Variants in DGKB observed in about 807,000 individuals in gnomAD.
DGKB encodes diacylglycerol kinase beta, also known as 90 kDa diacylglycerol kinase.
A neutral mutation model predicts 114.3 loss-of-function variants in DGKB; 67 were observed. The observed-to-expected ratio is 0.59, with a 90% CI of 0.48 to 0.72. The LOEUF (loss-of-function observed/expected upper bound fraction) is 0.72, where lower values mean the gene tolerates loss of function less well. Among genes scored for constraint, DGKB ranks in the 30% least tolerant of loss-of-function variants. The pLI, the probability that DGKB is intolerant of heterozygous loss-of-function variation, is 0.00. For missense variants in DGKB, 907 were observed against 975.2 expected, an observed-to-expected ratio of 0.93 and a Z score of 0.93; for synonymous variants, 398 against 323.1, an observed-to-expected ratio of 1.23 and a Z score of -2.49.
chr7:14,769,264 AAG>A (rs1562488975), intron 2 of DGKB, among the ~76,000 whole-genome samples: 1 of 96,308 alleles, frequency 1.0e-5, no homozygotes, highest in African/African-American at 4.3e-5. Context: ...GAAAGAAAGA[AAG>A]AAAGAAAGAA....
intron 23 of DGKB, among the ~76,000 whole-genome samples, chr7:14,311,653 C>T (rs533788521): frequency 4.6e-5 from 7 of 152,144 alleles, no homozygotes; most frequent in East Asian, 3.9e-4. Context: ...TTCAAACTCC[C>T]GGGCTCAAGT....
At chr7:14,974,088 T>C (rs897795010) in intron 1 of DGKB, among the ~76,000 whole-genome samples, 1 of 151,916 alleles carries the variant, frequency 6.6e-6, no homozygotes, top group Non-Finnish European at 1.5e-5. Flanking sequence ...CTGTTCCATG[T>C]CATATCATGT....
At chr7:14,762,994 C>A (rs530036449) in intron 2 of DGKB, among the ~76,000 whole-genome samples, 2 of 152,144 alleles carry the variant, frequency 1.3e-5, no homozygotes, top group Admixed American at 6.6e-5. Context: ...TGGATTGAAG[C>A]ACAAACTCCT....
intron 20 of DGKB, among the ~76,000 whole-genome samples, chr7:14,490,411 T>C (rs917000452): frequency 9.9e-5 from 15 of 152,178 alleles, no homozygotes; most frequent in Non-Finnish European, 2.1e-4. Flanking sequence ...GACAGCATAG[T>C]TTATTTATTT....
chr7:14,475,878 T>C (rs982692085), intron 21 of DGKB, among the ~76,000 whole-genome samples: 16 of 152,074 alleles, frequency 1.1e-4, no homozygotes, highest in African/African-American at 3.4e-4. Flanking sequence ...TCTTTATGAG[T>C]AAGAAGACTT....
chr7:14,193,416 T>C (rs116159252), intron 23 of DGKB, among the ~76,000 whole-genome samples: 255 of 152,298 alleles, frequency 1.7e-3, no homozygotes, highest in African/African-American at 5.9e-3. Context: ...AACTGATTTT[T>C]GACAAAGATG....
chr7:14,792,820 T>G (rs1194715639), intron 2 of DGKB, among the ~76,000 whole-genome samples: 1 of 152,158 alleles, frequency 6.6e-6, no homozygotes, highest in Non-Finnish European at 1.5e-5. Context: ...TTCAATCCAC[T>G]TGAAGAAATG....
At chr7:14,227,413 A>G (rs1254172783) in intron 23 of DGKB, among the ~76,000 whole-genome samples, 2 of 152,092 alleles carry the variant, frequency 1.3e-5, no homozygotes, top group African/African-American at 4.8e-5. Context: ...AGATAAATCT[A>G]TGAGAAACAG....
intron 20 of DGKB, among the ~76,000 whole-genome samples, chr7:14,490,447 C>T (rs575002882): frequency 1.3e-5 from 2 of 152,264 alleles, no homozygotes; most frequent in East Asian, 1.9e-4. Context: ...TAGGCAGCCA[C>T]GTGCCCAGCT....
chr7:14,709,999 A>G (rs948572568), intron 6 of DGKB, among the ~76,000 whole-genome samples: 7 of 151,918 alleles, frequency 4.6e-5, no homozygotes, highest in African/African-American at 1.4e-4. Flanking sequence ...AGAAAAAAAA[A>G]AGAAAATGTT....
At chr7:14,563,883 T>C (rs1047865392) in intron 20 of DGKB, among the ~76,000 whole-genome samples, 1 of 152,176 alleles carries the variant, frequency 6.6e-6, no homozygotes, top group East Asian at 1.9e-4. Context: ...AAAAGCAAGC[T>C]GCTGTAGTTT....
intron 23 of DGKB, among the ~76,000 whole-genome samples, chr7:14,238,069 G>A (rs1033863834): frequency 6.6e-5 from 10 of 151,972 alleles, no homozygotes; most frequent in Non-Finnish European, 1.5e-4. Context: ...GTTGGTGAAA[G>A]GAAAATTTCT....
intron 21 of DGKB, among the ~76,000 whole-genome samples, chr7:14,382,266 T>A (rs1011621251): frequency 6.6e-6 from 1 of 151,450 alleles, no homozygotes; most frequent in African/African-American, 2.4e-5. Flanking sequence ...CCAGCCCTTG[T>A]GCACAGATAT....
intron 23 of DGKB, among the ~76,000 whole-genome samples, chr7:14,274,674 G>C (rs1475014629): frequency 2.0e-5 from 3 of 152,058 alleles, no homozygotes; most frequent in Non-Finnish European, 4.4e-5. Flanking sequence ...CAGTGAATTT[G>C]GTATCTGGTA....
At chr7:14,217,980 G>A (rs1739774339) in intron 23 of DGKB, among the ~76,000 whole-genome samples, 1 of 151,994 alleles carries the variant, frequency 6.6e-6, no homozygotes, top group African/African-American at 2.4e-5. Flanking sequence ...ATCCTAACTT[G>A]TTTGTTTCCT....
chr7:14,900,585 T>A (rs1327682412), intron 1 of DGKB, among the ~76,000 whole-genome samples: 5 of 152,130 alleles, frequency 3.3e-5, no homozygotes, highest in African/African-American at 1.2e-4. Flanking sequence ...CTTTCAATAG[T>A]GTGCAAGAAA....
intron 13 of DGKB, among the ~76,000 whole-genome samples, chr7:14,662,132 C>G (rs1335584770): frequency 6.6e-6 from 1 of 151,726 alleles, no homozygotes; most frequent in East Asian, 1.9e-4. Flanking sequence ...GTGCAGCGCA[C>G]CAGCATGGCA....
intron 20 of DGKB, among the ~76,000 whole-genome samples, chr7:14,480,045 A>AT (rs905613004): frequency 7.2e-5 from 11 of 151,762 alleles, no homozygotes; most frequent in Admixed American, 3.3e-4. Context: ...GTGTAGTACA[A>AT]TTTTTTTTAC....
rs150022563 is a variant in DGKB, at chr7:14,155,560, G to A, written c.2305-6322C>T. ...GGGGCTGGTGCCATACCAGAGGCAT[G>A]GAGATCAAATGGAAGGTTAATTTGA... On this transcript the variant is annotated intron_variant, in intron 25 of 25. Transcript: ENST00000402815. Among the ~76,000 whole-genome samples the A allele has an allele frequency of 6.6e-5, 10 of 152,140 alleles. No homozygotes were observed. In the East Asian group the frequency reaches 1.9e-3, roughly 29 times the overall value.
Sources: allele counts gnomAD v4.1 joint callset (sites outside exome capture counted in the v4.1 genomes callset), GRCh38; gene constraint gnomAD v4.1.1; transcripts MANE v1.5; gene names NCBI Gene and HGNC (gene_info 2026-07-23, HGNC 2026-07-21).